The following RANBP17 variants were observed in gnomAD, a reference collection of about 807,000 sequenced individuals.
RANBP17 encodes the protein ran-binding protein 17.
Under a neutral mutation model 141.2 loss-of-function variants are expected in RANBP17, and 158 were observed. That is an observed-to-expected ratio of 1.12 (90% CI 0.98 to 1.28). The LOEUF (loss-of-function observed/expected upper bound fraction) is 1.28, where lower values mean the gene tolerates loss of function less well. Among genes scored for constraint, RANBP17 ranks in the 50% most tolerant of loss-of-function variants. The pLI, the probability that RANBP17 is intolerant of heterozygous loss-of-function variation, is 0.00. For missense variants in RANBP17, 1,438 were observed against 1,290.7 expected, an observed-to-expected ratio of 1.11 and a Z score of -1.75; for synonymous variants, 430 against 450.0, an observed-to-expected ratio of 0.96 and a Z score of 0.56.
intron 27 of RANBP17, 119 bp from the exon 28 acceptor site, chr5:171,298,643 A>T: frequency 1.6e-6 from 1 of 640,136 alleles, no homozygotes; most frequent in Non-Finnish European, 2.8e-6. Context: ...TGAAATCTAG[A>T]GCCGTCCTCC....
chr5:171,210,930 A>G (rs1762841291), intron 20 of RANBP17, among the ~76,000 whole-genome samples: 3 of 149,988 alleles, frequency 2.0e-5, no homozygotes, highest in African/African-American at 7.4e-5. Flanking sequence ...GCTTGAACCC[A>G]GGAGGCAGAA....
chr5:171,152,023 A>G (rs972841888), intron 14 of RANBP17, among the ~76,000 whole-genome samples: 3 of 152,138 alleles, frequency 2.0e-5, no homozygotes, highest in African/African-American at 7.2e-5. Context: ...TTTCTAACTG[A>G]AAATAAATAA....
chr5:170,999,119 T>A (rs1270283867), intron 14 of RANBP17, among the ~76,000 whole-genome samples: 3 of 152,086 alleles, frequency 2.0e-5, no homozygotes, highest in Non-Finnish European at 4.4e-5. Context: ...GATGTAATGA[T>A]TTTAGCTAAT....
At chr5:170,948,135 A>G (rs1774910834) in intron 12 of RANBP17, among the ~76,000 whole-genome samples, 1 of 152,174 alleles carries the variant, frequency 6.6e-6, no homozygotes, top group South Asian at 2.1e-4. Flanking sequence ...CCCCAGTTAT[A>G]TTAAACTGTG....
intron 14 of RANBP17, among the ~76,000 whole-genome samples, chr5:171,033,719 G>A (rs1187822631): frequency 6.6e-6 from 1 of 152,062 alleles, no homozygotes; most frequent in Non-Finnish European, 1.5e-5. Flanking sequence ...TTGTGCATAT[G>A]TTCATTCACT....
intron 14 of RANBP17, among the ~76,000 whole-genome samples, chr5:171,046,441 C>T (rs1300614775): frequency 6.6e-6 from 1 of 151,952 alleles, no homozygotes; most frequent in African/African-American, 2.4e-5. Context: ...ATGTCTTGAC[C>T]TCGTGATCTG....
intron 18 of RANBP17, among the ~76,000 whole-genome samples, chr5:171,183,777 T>C (rs1362349751): frequency 6.6e-6 from 1 of 152,312 alleles, no homozygotes. Context: ...GTCATAGTGA[T>C]GTCTAAACTA....
chr5:171,026,760 CCT>C (rs1781258421), intron 14 of RANBP17, among the ~76,000 whole-genome samples: 1 of 93,190 alleles, frequency 1.1e-5, no homozygotes, highest in Non-Finnish European at 2.8e-5. Flanking sequence ...AAGTTTTGAC[CCT>C]GAGATGAGAA....
intron 14 of RANBP17, among the ~76,000 whole-genome samples, chr5:171,147,123 A>G (rs1170993593): frequency 6.6e-6 from 1 of 152,192 alleles, no homozygotes; most frequent in Admixed American, 6.5e-5. Context: ...ATCTAGTGAT[A>G]GAATCCAGGT....
At chr5:171,275,391 G>T (rs1767423270) in intron 25 of RANBP17, among the ~76,000 whole-genome samples, 1 of 152,156 alleles carries the variant, frequency 6.6e-6, no homozygotes, top group Non-Finnish European at 1.5e-5. Flanking sequence ...GTCATCTCAT[G>T]CTGTTGCTGG....
intron 9 of RANBP17, among the ~76,000 whole-genome samples, chr5:170,917,030 G>A (rs116611296): frequency 6.6e-6 from 1 of 152,070 alleles, no homozygotes; most frequent in African/African-American, 2.4e-5. Flanking sequence ...GATCTCATTT[G>A]TGGTGGAGAT....
At chr5:171,176,938 G>C (rs1257611695) in intron 16 of RANBP17, among the ~76,000 whole-genome samples, 1 of 152,116 alleles carries the variant, frequency 6.6e-6, no homozygotes, top group Non-Finnish European at 1.5e-5. Context: ...AAGGGTGATG[G>C]ATGAAATTAA....
intron 14 of RANBP17, among the ~76,000 whole-genome samples, chr5:171,079,910 T>G (rs1785159709): frequency 6.6e-6 from 1 of 152,186 alleles, no homozygotes. Context: ...CTCATTTCAC[T>G]GAATTTGTAG....
chr5:171,107,612 A>C (rs1754943864), intron 14 of RANBP17, among the ~76,000 whole-genome samples: 1 of 152,160 alleles, frequency 6.6e-6, no homozygotes, highest in African/African-American at 2.4e-5. Context: ...TTTGGTGACA[A>C]ATGAGAACAC....
chr5:171,068,162 G>A (rs1052409095), intron 14 of RANBP17, among the ~76,000 whole-genome samples: 1 of 151,948 alleles, frequency 6.6e-6, no homozygotes, highest in African/African-American at 2.4e-5. Context: ...ATGTGCTCTT[G>A]AACTCCTATA....
intron 16 of RANBP17, among the ~76,000 whole-genome samples, chr5:171,176,214 C>T (rs544968266): frequency 5.3e-5 from 8 of 152,136 alleles, no homozygotes; most frequent in African/African-American, 9.6e-5. Flanking sequence ...CAGTCATTTT[C>T]GTTTCTACAA....
At chr5:171,184,518 G>A (rs1181269131) in intron 18 of RANBP17, among the ~76,000 whole-genome samples, 1 of 108,246 alleles carries the variant, frequency 9.2e-6, no homozygotes, top group Admixed American at 1.0e-4. Flanking sequence ...CAAAGTTTCA[G>A]GTAGAAAGAA....
chr5:171,126,698 C>CT (rs577589039), intron 14 of RANBP17, among the ~76,000 whole-genome samples: 253 of 152,174 alleles, frequency 1.7e-3, no homozygotes, highest in African/African-American at 5.6e-3. Flanking sequence ...AACAAAAATA[C>CT]GCTAACAAAA....
intron 16 of RANBP17, among the ~76,000 whole-genome samples, chr5:171,179,066 C>A (rs1760710688): frequency 6.6e-6 from 1 of 152,130 alleles, no homozygotes; most frequent in Admixed American, 6.5e-5. Flanking sequence ...GTTGCCATTA[C>A]TTTTGATGTT....
Sources: allele counts gnomAD v4.1 joint callset (sites outside exome capture counted in the v4.1 genomes callset), GRCh38; gene constraint gnomAD v4.1.1; transcripts MANE v1.5; gene names NCBI Gene and HGNC (gene_info 2026-07-23, HGNC 2026-07-21).